SLC24A2: variants seen among roughly 807,000 people sequenced by gnomAD.
SLC24A2 encodes sodium/potassium/calcium exchanger 2.
Under a neutral mutation model 62.0 loss-of-function variants are expected in SLC24A2, and 36 were observed. The observed-to-expected ratio is 0.58, with a 90% CI of 0.44 to 0.77. The LOEUF (loss-of-function observed/expected upper bound fraction) is 0.77. Among genes scored for constraint, SLC24A2 ranks in the 30% least tolerant of loss-of-function variants. The pLI is 0.00. For missense variants in SLC24A2, 846 were observed against 817.9 expected (o/e 1.03, Z -0.42); for synonymous variants, 358 against 294.0 (o/e 1.22, Z -2.23).
the SLC24A2 span, among the ~76,000 whole-genome samples, chr9:20,052,897 G>T: frequency 6.6e-6 from 1 of 152,102 alleles, no homozygotes; most frequent in Non-Finnish European, 1.5e-5. Flanking sequence ...TGTGCGCACT[G>T]GCATATATGA....
At position 19,511,562 on chromosome 9, in the gene SLC24A2, C is replaced by T. The variant is rs773698361; in HGVS notation, c.*4591G>A. The T allele has an allele frequency of 2.0e-5, 3 of 152,034 alleles. No homozygotes were observed. Among genetic ancestry groups the T allele is most frequent in the East Asian group, 1.9e-4 (1 of 5,196 alleles). The allele number at this position is 152,034 out of a possible 1,614,324, so 9.4% of individuals were successfully genotyped here. A position where few individuals can be genotyped will look rare whatever the true frequency, so the allele number is the denominator to read the frequency against. On this transcript the variant is annotated 3_prime_UTR_variant, in exon 11 of 11. Coordinates refer to ENST00000341998, the MANE Select transcript of SLC24A2 (RefSeq NM_020344.4). Reference sequence around the variant, plus strand: ...CTTATTATTCTATTTTTTCTCCTACCCCTCTCTTAATGACAAGGCCTTACC... The same window carrying T: ...CTTATTATTCTATTTTTTCTCCTACTCCTCTCTTAATGACAAGGCCTTACC...
At chr9:20,300,819 G>C in the SLC24A2 span, among the ~76,000 whole-genome samples, 1 of 152,188 alleles carries the variant, frequency 6.6e-6, no homozygotes. Flanking sequence ...GCAATGCTTT[G>C]TTCTAAGCAG....
In SLC24A2 at chr9:19,614,530, T is replaced by C. The variant is rs1817715074; in HGVS notation, c.1078+5054A>G. Among the ~76,000 whole-genome samples the C allele has an allele frequency of 2.0e-5, 3 of 152,326 alleles. No individual in the cohort carries two copies. The South Asian group carries it at 6.2e-4, about 32-fold the overall frequency. On this transcript the variant is annotated intron_variant, in intron 4 of 10. Coordinates refer to ENST00000341998, the MANE Select transcript of SLC24A2 (RefSeq NM_020344.4). The stretch of plus-strand genomic sequence containing the variant: ...GATCACATCCAAGGTGGTTTCACCA[T>C]GTTCTTTGGTATTCCTCCCTTTGAG...
chr9:19,551,237 A>C (rs1834828002), intron 7 of SLC24A2, among the ~76,000 whole-genome samples: 3 of 152,254 alleles, frequency 2.0e-5, no homozygotes, highest in Admixed American at 2.0e-4. Context: ...CATATGTCTC[A>C]GTCCTCAGAA....
intron 2 of SLC24A2, among the ~76,000 whole-genome samples, chr9:19,642,248 G>T (rs1261646816): frequency 6.6e-6 from 1 of 152,154 alleles, no homozygotes; most frequent in African/African-American, 2.4e-5. Flanking sequence ...TACCAGCTGG[G>T]TCTGCACAGC....
intron 2 of SLC24A2, among the ~76,000 whole-genome samples, chr9:19,773,926 T>C (rs1211810778): frequency 1.3e-5 from 2 of 152,188 alleles, no homozygotes; most frequent in African/African-American, 2.4e-5. Context: ...CTTAATCCTC[T>C]GCAAGAATAA....
chr9:20,218,079 C>T, the SLC24A2 span, among the ~76,000 whole-genome samples: 1 of 152,142 alleles, frequency 6.6e-6, no homozygotes, highest in Admixed American at 6.5e-5. Flanking sequence ...AGAGGAGTGC[C>T]TGCAGAAAGG....
chr9:19,551,674 C>T (rs910200070), intron 7 of SLC24A2, among the ~76,000 whole-genome samples: 3 of 152,144 alleles, frequency 2.0e-5, no homozygotes, highest in Admixed American at 6.5e-5. Flanking sequence ...ACAGTAACAG[C>T]GCCCCCCTCC....
the SLC24A2 span, among the ~76,000 whole-genome samples, chr9:19,848,821 T>C: frequency 6.6e-6 from 1 of 152,256 alleles, no homozygotes; most frequent in Non-Finnish European, 1.5e-5. Flanking sequence ...CTCATTTTTG[T>C]GTCACCGACT....
the SLC24A2 span, among the ~76,000 whole-genome samples, chr9:20,087,510 A>G: frequency 6.6e-6 from 1 of 152,208 alleles, no homozygotes; most frequent in Non-Finnish European, 1.5e-5. Flanking sequence ...CTCAAAGTAT[A>G]GATCCAACTG....
chr9:19,726,056 C>T (rs541911372), intron 2 of SLC24A2, among the ~76,000 whole-genome samples: 1 of 152,290 alleles, frequency 6.6e-6, no homozygotes, highest in African/African-American at 2.4e-5. Flanking sequence ...CTGAAGCAAA[C>T]TCAGCTCTAG....
At chr9:20,244,656 A>G in the SLC24A2 span, among the ~76,000 whole-genome samples, 1 of 152,240 alleles carries the variant, frequency 6.6e-6, no homozygotes, top group Non-Finnish European at 1.5e-5. Flanking sequence ...TTCAAAAGAG[A>G]AATTACTCTC....
At chr9:19,587,070 C>G (rs998039544) in intron 5 of SLC24A2, among the ~76,000 whole-genome samples, 1 of 152,134 alleles carries the variant, frequency 6.6e-6, no homozygotes, top group African/African-American at 2.4e-5. Flanking sequence ...AAATTCTCTT[C>G]AGAGTTGTTT....
At chr9:19,732,828 A>T (rs937035787) in intron 2 of SLC24A2, among the ~76,000 whole-genome samples, 2 of 152,182 alleles carry the variant, frequency 1.3e-5, no homozygotes, top group Non-Finnish European at 2.9e-5. Context: ...GTCAGGCTGG[A>T]GAAAAGGCTG....
At chr9:19,780,424 C>A (rs976300533) in intron 2 of SLC24A2, among the ~76,000 whole-genome samples, 1 of 151,332 alleles carries the variant, frequency 6.6e-6, no homozygotes, top group Non-Finnish European at 1.5e-5. Context: ...CCTGCCACTG[C>A]GCCCAGCTAA....
the SLC24A2 span, among the ~76,000 whole-genome samples, chr9:20,127,668 G>T: frequency 6.6e-6 from 1 of 152,068 alleles, no homozygotes; most frequent in Admixed American, 6.6e-5. Context: ...TTCCAGTTAG[G>T]GTTCTAACTT....
the SLC24A2 span, among the ~76,000 whole-genome samples, chr9:20,152,342 G>C: frequency 6.6e-6 from 1 of 151,796 alleles, no homozygotes; most frequent in Non-Finnish European, 1.5e-5. Flanking sequence ...ATAATCCCAC[G>C]TATTTTGCAG....
the SLC24A2 span, among the ~76,000 whole-genome samples, chr9:20,271,331 G>C: frequency 6.6e-6 from 1 of 152,230 alleles, no homozygotes; most frequent in South Asian, 2.1e-4. Context: ...GATGTCTGGG[G>C]AGTTACATCC....
chr9:19,597,670 C>A (rs1410963563), intron 4 of SLC24A2, among the ~76,000 whole-genome samples: 2 of 152,180 alleles, frequency 1.3e-5, no homozygotes, highest in Non-Finnish European at 2.9e-5. Flanking sequence ...AGCTTGCAGA[C>A]ACTGTGATTC....
Sources: gnomAD v4.1 joint callset for allele counts (sites outside exome capture counted in the v4.1 genomes callset) on GRCh38, gnomAD v4.1.1 for gene constraint, MANE v1.5 for transcripts, NCBI Gene and HGNC (gene_info 2026-07-23, HGNC 2026-07-21) for gene names.